The following RALGPS1 variants were observed in gnomAD, a reference collection of about 807,000 sequenced individuals.
The protein encoded by RALGPS1 is ras-specific guanine nucleotide-releasing factor RalGPS1.
A neutral mutation model predicts 78.8 loss-of-function variants in RALGPS1; 19 were observed. That is an observed-to-expected ratio of 0.24 (90% CI 0.17 to 0.35). The LOEUF (loss-of-function observed/expected upper bound fraction) is 0.35. Among genes scored for constraint, RALGPS1 ranks in the 10% least tolerant of loss-of-function variants. The probability of loss-of-function intolerance (pLI) is 1.00; values close to 1 mark genes in which losing one functional copy is unlikely to be tolerated. For missense variants in RALGPS1, 454 were observed against 688.3 expected, an observed-to-expected ratio of 0.66 and a Z score of 3.81; for synonymous variants, 228 against 256.3, an observed-to-expected ratio of 0.89 and a Z score of 1.06.
chr9:127,000,534 CTTTTTTT>C (rs1163116649), intron 4 of RALGPS1, among the ~76,000 whole-genome samples: 14 of 33,340 alleles, frequency 4.2e-4, no homozygotes, highest in Non-Finnish European at 6.0e-4. Context: ...CTTGTCTTGT[CTTTTTTT>C]TTTTTTTTTT....
Position 127,218,564 on chromosome 9 carries a change from G to GGCAC in RALGPS1, c.1645-172_1645-169dup, listed in dbSNP as rs1432807234. On this transcript the variant is annotated intron_variant, in intron 18 of 18. Coordinates refer to ENST00000259351, the MANE Select transcript of RALGPS1 (RefSeq NM_014636.3). The surrounding 1 kb of genome is among the most constrained non-coding windows in gnomAD (Gnocchi z 4.4). ...ATGCGGTGGATTCAGAGCAGTGCCTGGCACGCAGCTGCCACTTCACATGGG... is the reference window on the plus strand; with the variant it reads ...ATGCGGTGGATTCAGAGCAGTGCCTGGCACGCACGCAGCTGCCACTTCACATGGG... 2.0e-5 allele frequency among the ~76,000 whole-genome samples: 3 copies of GGCAC among 152,202 alleles called. No individual in the cohort carries two copies. Among genetic ancestry groups the GGCAC allele is most frequent in the Non-Finnish European group, 4.4e-5 (3 of 68,040 alleles).
chr9:127,190,036 G>C (rs1218088480), intron 11 of RALGPS1, among the ~76,000 whole-genome samples: 1 of 152,210 alleles, frequency 6.6e-6, no homozygotes, highest in African/African-American at 2.4e-5. Flanking sequence ...TTTAATAGCA[G>C]TTAACATTTT....
chr9:127,093,958 ACCTG>A, intron 8 of RALGPS1: 1 of 1,600,246 alleles, frequency 6.2e-7, no homozygotes, highest in Non-Finnish European at 8.5e-7. Context: ...TACATCACAG[ACCTG>A]CCTGTCACCA....
At chr9:127,034,152 A>G (rs1475153763) in intron 4 of RALGPS1, among the ~76,000 whole-genome samples, 2 of 152,180 alleles carry the variant, frequency 1.3e-5, no homozygotes, top group African/African-American at 4.8e-5. Flanking sequence ...GGTCTTAGAG[A>G]AGCTGGCAGA....
chr9:127,143,894 G>A (rs2057938549), intron 8 of RALGPS1, among the ~76,000 whole-genome samples: 1 of 152,232 alleles, frequency 6.6e-6, no homozygotes. Context: ...TCTGAAGAAA[G>A]CTGAAGGCAA....
chr9:126,990,429 C>T (rs1564373492), intron 4 of RALGPS1, among the ~76,000 whole-genome samples: 1 of 152,240 alleles, frequency 6.6e-6, no homozygotes, highest in Non-Finnish European at 1.5e-5. Flanking sequence ...CCCTCTGTGG[C>T]TACCCACTGC....
intron 1 of RALGPS1, among the ~76,000 whole-genome samples, chr9:126,945,622 C>A (rs1173608760): frequency 1.3e-5 from 2 of 152,226 alleles, no homozygotes; most frequent in Non-Finnish European, 2.9e-5. Flanking sequence ...TTGCCTTCCC[C>A]TTTCTGCTGT....
rs183684505 is a variant in RALGPS1, at chr9:127,112,528, C to T, written c.610+43172C>T. Among the ~76,000 whole-genome samples, 406 of 152,330 alleles carry T rather than the reference C, an allele frequency of 2.7e-3. 2 individuals carry two copies. Among genetic ancestry groups the T allele is most frequent in the African/African-American group, 9.1e-3 (377 of 41,576 alleles). ...GGTTGGTTTCCAAGCCTTCCTGGAC[C>T]TCCAGATTTGATTTGCACTATTTAT... On this transcript the variant is annotated intron_variant, in intron 8 of 18. Transcript: ENST00000259351.
chr9:127,166,044 C>A, intron 8 of RALGPS1, 25 bp from the exon 9 acceptor site: 1 of 1,591,068 alleles, frequency 6.3e-7, no homozygotes, highest in South Asian at 1.1e-5. Flanking sequence ...CTCCTTCCAT[C>A]ATGAAATATC....
At chr9:127,116,191 G>C (rs1217051915) in intron 8 of RALGPS1, among the ~76,000 whole-genome samples, 2 of 152,186 alleles carry the variant, frequency 1.3e-5, no homozygotes, top group African/African-American at 4.8e-5. Flanking sequence ...TTTGCCTGGA[G>C]GAGTAGCACT....
intron 1 of RALGPS1, among the ~76,000 whole-genome samples, chr9:126,935,138 C>T (rs577212731): frequency 4.3e-4 from 66 of 152,308 alleles, no homozygotes; most frequent in African/African-American, 1.3e-3. Flanking sequence ...TCCTTAAACC[C>T]TCATGACACT....
At chr9:127,039,001 T>A (rs1414287180) in intron 5 of RALGPS1, among the ~76,000 whole-genome samples, 1 of 152,060 alleles carries the variant, frequency 6.6e-6, no homozygotes, top group Non-Finnish European at 1.5e-5. Context: ...TTTTGAGAGT[T>A]GGAGATGAGT....
At chr9:127,001,547 G>A (rs971923609) in intron 4 of RALGPS1, among the ~76,000 whole-genome samples, 11 of 151,962 alleles carry the variant, frequency 7.2e-5, no homozygotes, top group African/African-American at 1.9e-4. Context: ...ATTTACCTCC[G>A]TCCTATTCTT....
chr9:126,915,829 G>A (rs1348068494), intron 1 of RALGPS1, among the ~76,000 whole-genome samples: 1 of 141,362 alleles, frequency 7.1e-6, no homozygotes, highest in Non-Finnish European at 1.5e-5. Context: ...AAAAATGTGT[G>A]TGCTTGAAGA....
chr9:127,092,729 C>T (rs908989669), intron 8 of RALGPS1, among the ~76,000 whole-genome samples: 1 of 152,058 alleles, frequency 6.6e-6, no homozygotes, highest in African/African-American at 2.4e-5. Flanking sequence ...AACCAAGAAC[C>T]CAGTCTTAAT....
chr9:127,121,721 G>A (rs1207690333), intron 8 of RALGPS1, among the ~76,000 whole-genome samples: 1 of 152,256 alleles, frequency 6.6e-6, no homozygotes, highest in Admixed American at 6.5e-5. Context: ...GTACCATCCA[G>A]TGCAGCAGCC....
chr9:127,033,082 A>AC (rs151086805), intron 4 of RALGPS1, among the ~76,000 whole-genome samples: 125 of 152,346 alleles, frequency 8.2e-4, no homozygotes, highest in Non-Finnish European at 1.6e-3. Context: ...AAATGGTAGC[A>AC]CCAGTGAATT....
intron 14 of RALGPS1, among the ~76,000 whole-genome samples, chr9:127,203,925 TAG>T (rs1048407881): frequency 2.6e-5 from 4 of 152,176 alleles, no homozygotes; most frequent in Admixed American, 2.0e-4. Context: ...TGGTGTCTGT[TAG>T]AGTCTCATAC....
chr9:127,094,295 A>T (rs2052852488), intron 8 of RALGPS1, among the ~76,000 whole-genome samples: 1 of 152,108 alleles, frequency 6.6e-6, no homozygotes, highest in Non-Finnish European at 1.5e-5. Flanking sequence ...TGCTGGAGTG[A>T]TCTTTTTCGT....
Sources: gnomAD v4.1 joint callset for allele counts (sites outside exome capture counted in the v4.1 genomes callset) on GRCh38, gnomAD v4.1.1 for gene constraint, Gnocchi (gnomAD v3.1) non-coding constraint, MANE v1.5 for transcripts, NCBI Gene and HGNC (gene_info 2026-07-23, HGNC 2026-07-21) for gene names.